Variants in PCDHGA6 observed in about 807,000 individuals in gnomAD.
PCDHGA6 encodes the protein protocadherin gamma subfamily A, 6, also known as protocadherin gamma-A6.
In PCDHGA6, 41 loss-of-function variants were observed where a neutral mutation model predicts 60.6. The observed-to-expected ratio is 0.68, with a 90% confidence interval of 0.53 to 0.88. The LOEUF is 0.88. Among genes scored for constraint, PCDHGA6 ranks in the 40% least tolerant of loss-of-function variants. The probability of loss-of-function intolerance (pLI) is 0.00; values close to 1 mark genes in which losing one functional copy is unlikely to be tolerated. For missense variants in PCDHGA6, 1,312 were observed against 1,203.0 expected, an observed-to-expected ratio of 1.09 and a Z score of -1.34; for synonymous variants, 594 against 524.4, an observed-to-expected ratio of 1.13 and a Z score of -1.81.
At chr5:141,399,350 G>T (rs746925566) in intron 1 of PCDHGA6, 2 of 1,613,964 alleles carry the variant, frequency 1.2e-6, no homozygotes, top group East Asian at 2.2e-5. Flanking sequence ...ACCCTAGACC[G>T]AGAGCAAACC....
In PCDHGA6 at chr5:141,393,139, T is replaced by A. The variant is rs753058672; in HGVS notation, c.2424+16632T>A. 1.2e-6 allele frequency: 2 copies of A among 1,613,322 alleles called. No individual in the cohort carries two copies. The highest frequency in any genetic ancestry group is 3.3e-5 in the Admixed American group (2 of 60,032). ...CGGTGTCTGATAAATATTAACACCC[T>A]GGTTGAGGATAAAGGAAAACTCTTT... On this transcript the variant is annotated intron_variant, in intron 1 of 3. Coordinates refer to ENST00000517434, the MANE Select transcript of PCDHGA6 (RefSeq NM_018919.3).
At chr5:141,414,241 C>T in intron 1 of PCDHGA6, 1 of 1,613,472 alleles carries the variant, frequency 6.2e-7, no homozygotes, top group Non-Finnish European at 8.5e-7. Context: ...CATCACGTCT[C>T]TATTTAGTCC....
rs1418865389 is a variant in PCDHGA6, at chr5:141,374,361, A to G, written c.278A>G (p.Glu93Gly). ...GTCACCGCGGGTAGGATAGACCGCGAGGAGCTCTGTGCTCAGAGCCCGCGG... is the reference window on the plus strand; with the variant it reads ...GTCACCGCGGGTAGGATAGACCGCGGGGAGCTCTGTGCTCAGAGCCCGCGG... Reference protein sequence around the residue: ...SLVTAGRIDREELCAQSPRCL... With the variant: ...SLVTAGRIDRGELCAQSPRCL... Residue 93 changes from glutamate to glycine, a missense_variant, in exon 1 of 4, where the codon GAG becomes GGG. Glu to Gly is a moderately conservative substitution (Grantham distance 98, BLOSUM62 -2). Transcript: ENST00000517434. 1 of 1,614,016 alleles carries G rather than the reference A, an allele frequency of 6.2e-7. No individual in the cohort carries two copies. The highest frequency in any genetic ancestry group is 2.2e-5 in the East Asian group (1 of 44,878).
chr5:141,489,069 C>G lies in PCDHGA6; in HGVS notation c.2425-5738C>G. ...TCAAATTCAGCTCCCCTCCCCCCTGCCCACCCCCGCCACTCGGTGACTAAG... is the reference window on the plus strand; with the variant it reads ...TCAAATTCAGCTCCCCTCCCCCCTGGCCACCCCCGCCACTCGGTGACTAAG... On this transcript the variant is annotated intron_variant, in intron 1 of 3. Coordinates refer to ENST00000517434, the MANE Select transcript of PCDHGA6 (RefSeq NM_018919.3). The surrounding 1 kb of genome is among the most constrained non-coding windows in gnomAD (Gnocchi z 4.5). 6.4e-5 allele frequency: 18 copies of G among 281,056 alleles called. No homozygotes were observed. Among genetic ancestry groups the G allele is most frequent in the Middle Eastern group, 1.1e-3 (1 of 944 alleles). 17.4% of individuals were successfully genotyped at this position (281,056 alleles called of 1,614,324 possible).
intron 1 of PCDHGA6, chr5:141,389,444 C>T: frequency 6.2e-7 from 1 of 1,610,564 alleles, no homozygotes; most frequent in South Asian, 1.1e-5. Flanking sequence ...CCTTCGACCA[C>T]GAGCAGCTGC....
Position 141,376,431 on chromosome 5 carries a change from A to T in PCDHGA6, c.2348A>T (p.Glu783Val), listed in dbSNP as rs372723180. Residue 783 changes from glutamate to valine, a missense_variant, in exon 1 of 4, where the codon GAG becomes GTG. Physicochemically the swap from Glu to Val is moderately radical, Grantham distance 121. Coordinates refer to ENST00000517434, the MANE Select transcript of PCDHGA6 (RefSeq NM_018919.3). ...TATGCCGACACGCTTATCAACCAGG[A>T]GAGCTATGAGAAAAGCGAGCCTCTT... ...PNYADTLINQ[E>V]SYEKSEPLLI... is the part of the protein sequence containing the mutation. The T allele has an allele frequency of 9.0e-5, 145 of 1,614,074 alleles. No homozygotes were observed. The highest frequency in any genetic ancestry group is 1.2e-4 in the Non-Finnish European group (143 of 1,180,046).
At position 141,389,081 on chromosome 5, in the gene PCDHGA6, G is replaced by A. The variant is rs371979686; in HGVS notation, c.2424+12574G>A. On this transcript the variant is annotated intron_variant, in intron 1 of 3. Transcript: ENST00000517434. Reference sequence around the variant, plus strand: ...AAATATTAACTTCTTCAAGAAACACGTATAAATTAGTGACAGATGCTGTTC... The same window carrying A: ...AAATATTAACTTCTTCAAGAAACACATATAAATTAGTGACAGATGCTGTTC... 1.5e-5 allele frequency: 24 copies of A among 1,613,978 alleles called. No homozygotes were observed. In the South Asian group the frequency reaches 2.0e-4, roughly 13 times the overall value.
At chr5:141,423,797 C>A in intron 1 of PCDHGA6, 2 of 1,249,164 alleles carry the variant, frequency 1.6e-6, no homozygotes, top group African/African-American at 1.6e-5. Flanking sequence ...ATATTTAGAG[C>A]AATACATGTG....
intron 1 of PCDHGA6, among the ~76,000 whole-genome samples, chr5:141,453,176 C>A (rs1225418058): frequency 6.6e-6 from 1 of 152,042 alleles, no homozygotes; most frequent in African/African-American, 2.4e-5. Flanking sequence ...TCCAGTGGTA[C>A]AATCACAGCT....
At chr5:141,419,261 G>C (rs758952830) in intron 1 of PCDHGA6, 16 of 1,613,982 alleles carry the variant, frequency 9.9e-6, no homozygotes, top group Non-Finnish European at 1.3e-5. Context: ...CAACCAGCCG[G>C]GTGCCTCCAT....
At position 141,487,565 on chromosome 5, in the gene PCDHGA6, G is replaced by A. The variant is rs1473034794; in HGVS notation, c.2425-7242G>A. ...GTCACCCAGTGCACCTATGGCAGGGGAGCCTGTTCGCCCAAGCTGCCCACC... is the reference window on the plus strand; with the variant it reads ...GTCACCCAGTGCACCTATGGCAGGGAAGCCTGTTCGCCCAAGCTGCCCACC... On this transcript the variant is annotated intron_variant, in intron 1 of 3. Transcript: ENST00000517434. This position sits in a 1 kb window ranked among gnomAD's most constrained non-coding sequence, Gnocchi z 5.0. The A allele has an allele frequency of 6.2e-7, 1 of 1,614,164 alleles. No individual in the cohort carries two copies. Among genetic ancestry groups the A allele is most frequent in the East Asian group, 2.2e-5 (1 of 44,856 alleles).
rs1225265096 is a variant in PCDHGA6 at position 141,490,666 on chromosome 5, G to A, written c.2425-4141G>A. Reference sequence around the variant, plus strand: ...GCCTCCGGGCTCCCTTCTTTGCACTGTGGCTGCCTCAGATCCAGACACTGG... The same window carrying A: ...GCCTCCGGGCTCCCTTCTTTGCACTATGGCTGCCTCAGATCCAGACACTGG... On this transcript the variant is annotated intron_variant, in intron 1 of 3. Coordinates refer to ENST00000517434, the MANE Select transcript of PCDHGA6 (RefSeq NM_018919.3). The surrounding 1 kb of genome is among the most constrained non-coding windows in gnomAD (Gnocchi z 5.4). The A allele has an allele frequency of 1.2e-6, 2 of 1,614,134 alleles. No homozygotes were observed. The highest frequency in any genetic ancestry group is 3.3e-5 in the Admixed American group (2 of 60,026).
At chr5:141,433,318 G>A (rs1659490277) in intron 1 of PCDHGA6, 2 of 788,746 alleles carry the variant, frequency 2.5e-6, no homozygotes, top group Non-Finnish European at 4.0e-6. Context: ...CTTTGCCTCC[G>A]GTGTAACAGG....
intron 1 of PCDHGA6, among the ~76,000 whole-genome samples, chr5:141,453,293 T>TTATG: frequency 6.6e-6 from 1 of 151,872 alleles, no homozygotes; most frequent in Non-Finnish European, 1.5e-5. Flanking sequence ...TTTTAATTAT[T>TTATG]TATTTATTTA....
chr5:141,409,481 A>G (rs1589715212), intron 1 of PCDHGA6: 1 of 1,613,968 alleles, frequency 6.2e-7, no homozygotes, highest in Non-Finnish European at 8.5e-7. Context: ...AGCCACTGAC[A>G]GGGGCAAGCC....
chr5:141,506,262 A>G (rs1395369571), intron 3 of PCDHGA6, among the ~76,000 whole-genome samples: 1 of 152,046 alleles, frequency 6.6e-6, no homozygotes, highest in Admixed American at 6.6e-5. Context: ...CGGCCTGGCC[A>G]ACATAGTGAA....
rs1197249074 is a variant in PCDHGA6 at position 141,438,579 on chromosome 5, CATACATACATACATATATAT to C, written c.2425-56224_2425-56205del. ...AAGAGGCAGCTGTCTGATATACATACATACATACATACATATATATATATATATATATATATATATATATA... is the reference window on the plus strand; with the variant it reads ...AAGAGGCAGCTGTCTGATATACATACATATATATATATATATATATATATA... On this transcript the variant is annotated intron_variant, in intron 1 of 3. Transcript: ENST00000517434. Among the ~76,000 whole-genome samples the C allele has an allele frequency of 5.3e-3, 298 of 55,734 alleles. 1 individual carries two copies. Among genetic ancestry groups the C allele is most frequent in the Admixed American group, 0.022 (77 of 3,542 alleles). The allele number at this position is 55,734 out of a possible 152,430, so 36.6% of individuals were successfully genotyped here.
rs947567666 is a variant in PCDHGA6, at chr5:141,422,270, T to C, written c.2424+45763T>C. ...GATGTGAATGATAACGCTCCAGAAA[T>C]AACTATCACCTCTTCTATTAATTCA... On this transcript the variant is annotated intron_variant, in intron 1 of 3. Transcript: ENST00000517434. 2.6e-6 allele frequency: 4 copies of C among 1,562,452 alleles called. No homozygotes were observed. The East Asian group carries it at 9.0e-5, about 35-fold the overall frequency.
At chr5:141,391,449 A>C (rs1432134490) in intron 1 of PCDHGA6, 2 of 152,026 alleles carry the variant, frequency 1.3e-5, no homozygotes, top group Admixed American at 1.3e-4. Context: ...ACTAGCTGGA[A>C]CTCAGGCTCA....
Sources: gnomAD v4.1 joint callset for allele counts (sites outside exome capture counted in the v4.1 genomes callset) on GRCh38, gnomAD v4.1.1 for gene constraint, Gnocchi (gnomAD v3.1) non-coding constraint, MANE v1.5 for transcripts, NCBI Gene and HGNC (gene_info 2026-07-23, HGNC 2026-07-21) for gene names.